Variants in TMEM108 observed in about 807,000 individuals in gnomAD.
TMEM108 encodes the protein cancer/testis antigen 124.
A neutral mutation model predicts 35.1 loss-of-function variants in TMEM108; 12 were observed. The observed-to-expected ratio is 0.34, with a 90% CI of 0.22 to 0.55. The LOEUF is 0.55. Among genes scored for constraint, TMEM108 ranks in the 20% least tolerant of loss-of-function variants. TMEM108 has a pLI of 0.89. For missense variants in TMEM108, 680 were observed against 753.3 expected (o/e 0.90, Z 1.14); for synonymous variants, 287 against 308.6 (o/e 0.93, Z 0.73).
At chr3:133,122,884 G>T (rs1174016709) in intron 2 of TMEM108, among the ~76,000 whole-genome samples, 1 of 143,332 alleles carries the variant, frequency 7.0e-6, no homozygotes, top group Non-Finnish European at 1.5e-5. Context: ...AAAAAAAATT[G>T]GTCAACATTT....
chr3:133,112,185 TAAG>T lies in TMEM108; in HGVS notation c.-47+66169_-47+66171del, dbSNP rs371439882. On this transcript the variant is annotated intron_variant, in intron 2 of 5. Coordinates refer to ENST00000321871, the MANE Select transcript of TMEM108 (RefSeq NM_023943.4). ...GAGCTGGATTGCAGGAGAATGGTAA[TAAG>T]AAGTTAAAAATGATGGTCATGGATA... Among the ~76,000 whole-genome samples, 44 of 152,134 alleles carry T rather than the reference TAAG, an allele frequency of 2.9e-4. No individual in the cohort carries two copies. The East Asian group carries it at 5.6e-3, about 19-fold the overall frequency.
rs549246569 is a variant in TMEM108 at position 133,125,758 on chromosome 3, AG to A, written c.-47+79739del. On this transcript the variant is annotated intron_variant, in intron 2 of 5. Transcript: ENST00000321871. ...TTTGCCATATATTTGATTCATGTTC[AG>A]AGGGTATTTAAAATAGTATCTTCTT... 3.3e-5 allele frequency among the ~76,000 whole-genome samples: 5 copies of A among 152,348 alleles called. No homozygotes were observed. The South Asian group carries it at 1.0e-3, about 32-fold the overall frequency.
intron 3 of TMEM108, among the ~76,000 whole-genome samples, chr3:133,286,510 T>G (rs1946988152): frequency 6.6e-6 from 1 of 152,150 alleles, no homozygotes; most frequent in South Asian, 2.1e-4. Flanking sequence ...ATTAAAAATT[T>G]TTTTTTGTAG....
intron 2 of TMEM108, among the ~76,000 whole-genome samples, chr3:133,151,415 G>A (rs1256687373): frequency 6.6e-6 from 1 of 152,126 alleles, no homozygotes; most frequent in Non-Finnish European, 1.5e-5. Context: ...ACTTTCCGAA[G>A]TCCACTCCAG....
rs191769927 is a variant in TMEM108, at chr3:133,301,816, T to A, written c.40+72465T>A. ...CAAAAACACTCAATGTTGGGTAGAA[T>A]CATGGTTTAAGCTTTACATTATCAC... On this transcript the variant is annotated intron_variant, in intron 3 of 5. Coordinates refer to ENST00000321871, the MANE Select transcript of TMEM108 (RefSeq NM_023943.4). Among the ~76,000 whole-genome samples the A allele has an allele frequency of 1.3e-3, 204 of 152,260 alleles. 3 individuals carry two copies. Among genetic ancestry groups the A allele is most frequent in the African/African-American group, 4.7e-3 (195 of 41,506 alleles).
chr3:133,174,421 A>G (rs1322870512), intron 2 of TMEM108, among the ~76,000 whole-genome samples: 3 of 151,988 alleles, frequency 2.0e-5, no homozygotes, highest in African/African-American at 7.3e-5. Context: ...ACTAGGAGGC[A>G]CCCCCCAGTA....
intron 2 of TMEM108, among the ~76,000 whole-genome samples, chr3:133,193,393 G>C (rs1945528524): frequency 6.6e-6 from 1 of 152,162 alleles, no homozygotes; most frequent in Admixed American, 6.5e-5. Flanking sequence ...GCATTTGGTA[G>C]GTTTGGGTTT....
chr3:133,380,989 A>C lies in TMEM108; in HGVS notation c.1278A>C (p.Thr426=), dbSNP rs1207230388. ...TCTCCACAGTGGTATCCACAGCCAC[A>C]GGCAATTTCCTCAACCGCCTGGTCC... The part of the protein sequence containing the change: ...SPLSTVVSTA[T]GNFLNRLVPA... The change falls in exon 4 of 6, where the codon ACA becomes ACC. Residue 426 remains threonine (T), a synonymous_variant. Coordinates refer to ENST00000321871, the MANE Select transcript of TMEM108 (RefSeq NM_023943.4). This position sits in a 1 kb window ranked among gnomAD's most constrained non-coding sequence, Gnocchi z 5.3. 18 of 1,614,096 alleles carry C rather than the reference A, an allele frequency of 1.1e-5. No homozygotes were observed. The highest frequency in any genetic ancestry group is 1.4e-5 in the Non-Finnish European group (17 of 1,180,042).
intron 2 of TMEM108, among the ~76,000 whole-genome samples, chr3:133,048,823 G>A (rs977887050): frequency 1.3e-5 from 2 of 152,202 alleles, no homozygotes; most frequent in African/African-American, 4.8e-5. Context: ...GCACTTTGGT[G>A]TGGAAGAGAG....
intron 3 of TMEM108, among the ~76,000 whole-genome samples, chr3:133,335,086 A>AAAT (rs1489076032): frequency 6.6e-6 from 1 of 152,194 alleles, no homozygotes; most frequent in African/African-American, 2.4e-5. Flanking sequence ...AAAGATGAAG[A>AAAT]AATAAGGAAG....
chr3:133,394,626 C>T (rs2073279956), intron 5 of TMEM108, among the ~76,000 whole-genome samples: 1 of 152,186 alleles, frequency 6.6e-6, no homozygotes, highest in African/African-American at 2.4e-5. Context: ...CACAGTTAAA[C>T]CCAAAAGCAT....
At chr3:133,222,204 A>AT (rs145317075) in intron 2 of TMEM108, among the ~76,000 whole-genome samples, 2,074 of 151,006 alleles carry the variant, frequency 0.014, 53 homozygotes, top group African/African-American at 0.048. Flanking sequence ...TTTTTTGGCA[A>AT]TTTTTTTTTC....
At chr3:133,203,320 G>A (rs573818424) in intron 2 of TMEM108, among the ~76,000 whole-genome samples, 17 of 152,112 alleles carry the variant, frequency 1.1e-4, no homozygotes, top group African/African-American at 3.9e-4. Flanking sequence ...CCAGAACTTC[G>A]AATACTATGT....
At chr3:133,373,938 T>A (rs1435429336) in intron 3 of TMEM108, among the ~76,000 whole-genome samples, 1 of 152,208 alleles carries the variant, frequency 6.6e-6, no homozygotes. Context: ...GTGGCCAGGG[T>A]CATCTTGCAG....
At chr3:133,174,699 A>G (rs997294183) in intron 2 of TMEM108, among the ~76,000 whole-genome samples, 1 of 152,154 alleles carries the variant, frequency 6.6e-6, no homozygotes, top group African/African-American at 2.4e-5. Flanking sequence ...TCAAAGACCA[A>G]AGGTAGATAA....
intron 2 of TMEM108, among the ~76,000 whole-genome samples, chr3:133,127,711 G>T (rs560222467): frequency 6.6e-6 from 1 of 152,054 alleles, no homozygotes; most frequent in East Asian, 1.9e-4. Flanking sequence ...CTGGTTATAG[G>T]CCCCCTTTAT....
intron 2 of TMEM108, among the ~76,000 whole-genome samples, chr3:133,052,734 C>G (rs1943420339): frequency 6.6e-6 from 1 of 151,790 alleles, no homozygotes; most frequent in South Asian, 2.1e-4. Context: ...GCTCAGTTTT[C>G]TCAAGGGGGG....
At chr3:133,091,853 C>T (rs1387331255) in intron 2 of TMEM108, among the ~76,000 whole-genome samples, 1 of 140,812 alleles carries the variant, frequency 7.1e-6, no homozygotes, top group East Asian at 2.0e-4. Context: ...TGAGAGACTT[C>T]TTATAAAAAA....
intron 2 of TMEM108, among the ~76,000 whole-genome samples, chr3:133,078,442 G>C (rs1348513370): frequency 6.6e-6 from 1 of 152,144 alleles, no homozygotes; most frequent in Admixed American, 6.5e-5. Flanking sequence ...TTGTAGAGCT[G>C]ACCTGAGTGG....
Sources: gnomAD v4.1 joint callset for allele counts (sites outside exome capture counted in the v4.1 genomes callset) on GRCh38, gnomAD v4.1.1 for gene constraint, Gnocchi (gnomAD v3.1) non-coding constraint, MANE v1.5 for transcripts, NCBI Gene and HGNC (gene_info 2026-07-23, HGNC 2026-07-21) for gene names.